TAB1: variants seen among roughly 807,000 people sequenced by gnomAD.
The protein encoded by TAB1 is TGF-beta activated kinase 1 (MAP3K7) binding protein 1, also known as TGF-beta-activated kinase 1 and MAP3K7-binding protein 1.
Under a neutral mutation model 54.5 loss-of-function variants are expected in TAB1, and 30 were observed. The ratio of observed to expected loss-of-function variants is 0.55; its 90% CI spans 0.41 to 0.75. The LOEUF (loss-of-function observed/expected upper bound fraction) is 0.75. Ranked by LOEUF, TAB1 falls within the 30% of genes least tolerant of loss-of-function variation. The probability of loss-of-function intolerance (pLI) is 0.00; values close to 1 mark genes in which losing one functional copy is unlikely to be tolerated. For synonymous variants in TAB1, 289 were observed against 286.9 expected, an observed-to-expected ratio of 1.01 and a Z score of -0.07; for missense variants, 609 against 683.2, an observed-to-expected ratio of 0.89 and a Z score of 1.21.
In TAB1 at chr22:39,430,480, A is replaced by C; in HGVS notation, c.*258A>C. On this transcript the variant is annotated 3_prime_UTR_variant, in exon 11 of 11. Coordinates refer to ENST00000216160, the MANE Select transcript of TAB1 (RefSeq NM_006116.3). Reference sequence around the variant, plus strand: ...AGCCAGGACCATCGCCCTTTCTCAGAGCAGAGGGCCAGGTATAGAAACCGC... The same window carrying C: ...AGCCAGGACCATCGCCCTTTCTCAGCGCAGAGGGCCAGGTATAGAAACCGC... The C allele has an allele frequency of 2.2e-6, 3 of 1,375,274 alleles. No individual in the cohort carries two copies. Among genetic ancestry groups the C allele is most frequent in the Non-Finnish European group, 9.4e-7 (1 of 1,060,868 alleles). 85.2% of individuals were successfully genotyped at this position (1,375,274 alleles called of 1,614,324 possible).
intron 7 of TAB1, among the ~76,000 whole-genome samples, chr22:39,421,402 A>G (rs1328841050): frequency 6.6e-6 from 1 of 152,152 alleles, no homozygotes; most frequent in African/African-American, 2.4e-5. Flanking sequence ...CCCAGTCACT[A>G]AAGGATCCCT....
Position 39,430,233 on chromosome 22 carries a change from G to T in TAB1, c.*11G>T. 1 of 1,610,110 alleles carries T rather than the reference G, an allele frequency of 6.2e-7. No individual in the cohort carries two copies. Among genetic ancestry groups the T allele is most frequent in the Non-Finnish European group, 8.5e-7 (1 of 1,179,974 alleles). ...GTGACAGCACCGTAGGGCAGCCGGA[G>T]AATGCAGCCCAAGCAGGGCCTGGCA... On this transcript the variant is annotated 3_prime_UTR_variant, in exon 11 of 11. Transcript: ENST00000216160.
At position 39,415,653 on chromosome 22, in the gene TAB1, G is replaced by T; in HGVS notation, c.324G>T (p.Gln108His). ...AEADVRRVLLQAFDVVERSFL... is the reference protein window; with the variant it reads ...AEADVRRVLLHAFDVVERSFL... The stretch of plus-strand genomic sequence containing the variant: ...CCGATGTGCGGCGTGTGCTGCTGCA[G>T]GTAATGGTGCCGGGGCCAACAGTGA... The change falls in exon 3 of 11, where the codon CAG becomes CAT. Residue 108 changes from glutamine (Q) to histidine (H), a missense_variant and splice_region_variant. Transcript: ENST00000216160. This position sits in a 1 kb window ranked among gnomAD's most constrained non-coding sequence, Gnocchi z 4.9. 3 of 1,606,954 alleles carry T rather than the reference G, an allele frequency of 1.9e-6. No homozygotes were observed. Among genetic ancestry groups the T allele is most frequent in the Non-Finnish European group, 2.5e-6 (3 of 1,179,010 alleles).
chr22:39,402,015 A>T (rs1364472478), intron 1 of TAB1, among the ~76,000 whole-genome samples: 7 of 152,110 alleles, frequency 4.6e-5, no homozygotes, highest in African/African-American at 1.7e-4. Flanking sequence ...TGCCACTGAT[A>T]CAATACCTGG....
intron 1 of TAB1, among the ~76,000 whole-genome samples, chr22:39,409,180 C>T (rs1926504902): frequency 6.6e-6 from 1 of 152,162 alleles, no homozygotes; most frequent in Non-Finnish European, 1.5e-5. Context: ...AGGAGGAAGA[C>T]ATGGGATACT....
intron 4 of TAB1, among the ~76,000 whole-genome samples, chr22:39,417,210 G>T (rs1359327172): frequency 6.6e-6 from 1 of 152,204 alleles, no homozygotes; most frequent in African/African-American, 2.4e-5. Flanking sequence ...CTGTGAGTTC[G>T]GTCATCTCCA....
chr22:39,435,980 T>TA (rs1927768340), downstream of TAB1, among the ~76,000 whole-genome samples: 2 of 152,094 alleles, frequency 1.3e-5, no homozygotes, highest in South Asian at 2.1e-4. Flanking sequence ...GCTCAGCTTT[T>TA]TAAAAAAATA....
Position 39,419,537 on chromosome 22 carries a change from T to C in TAB1, c.683T>C (p.Ile228Thr), listed in dbSNP as rs781743276. ...TCCGTAGGCTTGGATGCTGGAAAGA[T>C]CAAGCAGGTGGGGATCATCTGTGGG... ...LSQLGLDAGKIKQVGIICGQE... is the reference protein window; with the variant it reads ...LSQLGLDAGKTKQVGIICGQE... The change falls in exon 7 of 11, where the codon ATC becomes ACC. Residue 228 changes from isoleucine to threonine, a missense_variant. Ile to Thr is a moderately conservative substitution (Grantham distance 89, BLOSUM62 -1). Coordinates refer to ENST00000216160, the MANE Select transcript of TAB1 (RefSeq NM_006116.3). The C allele has an allele frequency of 1.2e-6, 2 of 1,610,928 alleles. No homozygotes were observed. Among genetic ancestry groups the C allele is most frequent in the Non-Finnish European group, 1.7e-6 (2 of 1,177,966 alleles).
chr22:39,432,136 G>A (rs141891074), downstream of TAB1, among the ~76,000 whole-genome samples: 1 of 152,368 alleles, frequency 6.6e-6, no homozygotes, highest in Non-Finnish European at 1.5e-5. Flanking sequence ...GGGGGTGACA[G>A]TTTTCCCTGC....
chr22:39,399,881 CGG>C (rs1926051222), intron 1 of TAB1, 46 bp downstream of exon 1: 1 of 1,566,606 alleles, frequency 6.4e-7, no homozygotes, highest in Admixed American at 1.9e-5. Context: ...GGAGCCTGGG[CGG>C]GGGTGCTGTC....
chr22:39,428,944 C>G (rs1041825433), intron 10 of TAB1, among the ~76,000 whole-genome samples: 2 of 152,256 alleles, frequency 1.3e-5, no homozygotes, highest in Non-Finnish European at 2.9e-5. Context: ...CTAGAAAGGC[C>G]TGCCAGGCCG....
chr22:39,434,636 G>T (rs968030956), downstream of TAB1, among the ~76,000 whole-genome samples: 1 of 152,244 alleles, frequency 6.6e-6, no homozygotes, highest in Admixed American at 6.5e-5. Context: ...CAGACACAGT[G>T]TCTGACAGCT....
chr22:39,428,860 T>C (rs993205625), intron 10 of TAB1, among the ~76,000 whole-genome samples: 10 of 152,252 alleles, frequency 6.6e-5, no homozygotes, highest in African/African-American at 2.4e-4. Flanking sequence ...GCGGCCTGCA[T>C]GCCTCTGCCC....
rs1601693620 is a variant in TAB1 at position 39,419,639 on chromosome 22, C to T, written c.776+9C>T. 1 of 1,587,782 alleles carries T rather than the reference C, an allele frequency of 6.3e-7. No homozygotes were observed. The highest frequency in any genetic ancestry group is 2.2e-5 in the East Asian group (1 of 44,460). On this transcript the variant is annotated intron_variant, in intron 7 of 10. Coordinates refer to ENST00000216160, the MANE Select transcript of TAB1 (RefSeq NM_006116.3). Reference sequence around the variant, plus strand: ...GACATTGACCTTCTCAGGTAGGTGCCAGCCCAGCTGTCCCCTGTGCTTGAA... The same window carrying T: ...GACATTGACCTTCTCAGGTAGGTGCTAGCCCAGCTGTCCCCTGTGCTTGAA...
At chr22:39,432,190 G>A (rs34865169), downstream of TAB1, among the ~76,000 whole-genome samples, 5,964 of 152,332 alleles carry the variant, frequency 0.039, 399 homozygotes, top group African/African-American at 0.14. Context: ...CAGGGTTGTG[G>A]TGCCAACTCC....
intron 1 of TAB1, among the ~76,000 whole-genome samples, chr22:39,404,286 A>T (rs1026849491): frequency 6.6e-5 from 10 of 152,212 alleles, no homozygotes; most frequent in Non-Finnish European, 1.3e-4. Context: ...TTACTTAATT[A>T]TAAAAAAGAA....
intron 1 of TAB1, among the ~76,000 whole-genome samples, chr22:39,404,383 A>G (rs1047736072): frequency 2.0e-5 from 3 of 152,136 alleles, no homozygotes; most frequent in African/African-American, 7.2e-5. Flanking sequence ...CAGGAGTTCC[A>G]GATCAGCTCG....
downstream of TAB1, among the ~76,000 whole-genome samples, chr22:39,435,324 A>C (rs1173372778): frequency 6.6e-6 from 1 of 152,108 alleles, no homozygotes; most frequent in Non-Finnish European, 1.5e-5. Context: ...GTAGGTTTAT[A>C]GATCTGCGCT....
At position 39,405,522 on chromosome 22, in the gene TAB1, A is replaced by G. The variant is rs34296359; in HGVS notation, c.33+5687A>G. The stretch of plus-strand genomic sequence containing the variant: ...ACGCCCCCTTCTCAGCTTCTCGCAG[A>G]CTCTTGCTCCCTGCGCTCCAGCGCC... On this transcript the variant is annotated intron_variant, in intron 1 of 10. Coordinates refer to ENST00000216160, the MANE Select transcript of TAB1 (RefSeq NM_006116.3). 5.9e-3 allele frequency among the ~76,000 whole-genome samples: 887 copies of G among 150,192 alleles called. 11 individuals are homozygous for G. The highest frequency in any genetic ancestry group is 0.021 in the African/African-American group (835 of 40,678).
Sources: allele counts gnomAD v4.1 joint callset (sites outside exome capture counted in the v4.1 genomes callset), GRCh38; gene constraint gnomAD v4.1.1; non-coding constraint Gnocchi (gnomAD v3.1); transcripts MANE v1.5; gene names NCBI Gene and HGNC (gene_info 2026-07-23, HGNC 2026-07-21).